Variants in RSF1 observed in about 807,000 individuals in gnomAD.
The protein encoded by RSF1 is HBV pX-associated protein 8.
A neutral mutation model predicts 145.2 loss-of-function variants in RSF1; 13 were observed. That is an observed-to-expected ratio of 0.09 (90% CI 0.06 to 0.14). RSF1 has a LOEUF of 0.14. Among genes scored for constraint, RSF1 ranks in the 10% least tolerant of loss-of-function variants. The pLI, the probability that RSF1 is intolerant of heterozygous loss-of-function variation, is 1.00. For synonymous variants in RSF1, 577 were observed against 592.6 expected, an observed-to-expected ratio of 0.97 and a Z score of 0.38; for missense variants, 1,517 against 1,718.2, an observed-to-expected ratio of 0.88 and a Z score of 2.07.
chr11:77,707,184 G>C (rs1353720423), intron 5 of RSF1, among the ~76,000 whole-genome samples: 2 of 152,074 alleles, frequency 1.3e-5, no homozygotes, highest in South Asian at 4.2e-4. Flanking sequence ...ACTACTCTGG[G>C]GCAGAAATCA....
chr11:77,799,337 A>C (rs1250484899), intron 1 of RSF1, among the ~76,000 whole-genome samples: 1 of 151,900 alleles, frequency 6.6e-6, no homozygotes, highest in African/African-American at 2.4e-5. Flanking sequence ...GCAAAACTCC[A>C]TCTCTATAAA....
intron 1 of RSF1, among the ~76,000 whole-genome samples, chr11:77,812,292 A>G (rs1396030864): frequency 6.6e-6 from 1 of 152,220 alleles, no homozygotes; most frequent in African/African-American, 2.4e-5. Flanking sequence ...TGCACAATTA[A>G]CATAGAAAAT....
intron 2 of RSF1, chr11:77,763,800 T>C (rs893503067): frequency 1.3e-5 from 2 of 152,014 alleles, no homozygotes; most frequent in African/African-American, 2.4e-5. Context: ...GAAGATACCA[T>C]ATATGCAAAA....
chr11:77,690,514 C>G (rs1424139184), intron 9 of RSF1, among the ~76,000 whole-genome samples: 2 of 152,122 alleles, frequency 1.3e-5, no homozygotes, highest in Non-Finnish European at 2.9e-5. Flanking sequence ...AGTGCAGTGG[C>G]GTGATCTTGG....
the RSF1 span, among the ~76,000 whole-genome samples, chr11:77,860,093 G>A: frequency 6.6e-6 from 1 of 152,194 alleles, no homozygotes; most frequent in Non-Finnish European, 1.5e-5. Flanking sequence ...TCGTCTCTCA[G>A]ACATGTGTAA....
At chr11:77,703,015 T>C (rs1960461951) in intron 5 of RSF1, 1 of 152,180 alleles carries the variant, frequency 6.6e-6, no homozygotes, top group Admixed American at 6.5e-5. Flanking sequence ...GTTACTTCCT[T>C]CTGGTCTTGT....
intron 1 of RSF1, among the ~76,000 whole-genome samples, chr11:77,794,459 G>A (rs1316273347): frequency 6.6e-6 from 1 of 151,990 alleles, no homozygotes. Context: ...AAGGTGGGAG[G>A]ATTACTTGAG....
Position 77,661,657 on chromosome 11 carries a change from T to C in RSF1, c.*5260A>G, listed in dbSNP as rs1167995961. 1.3e-5 allele frequency: 2 copies of C among 151,940 alleles called. No individual in the cohort carries two copies. Among genetic ancestry groups the C allele is most frequent in the Non-Finnish European group, 2.9e-5 (2 of 67,944 alleles). 9.4% of individuals were successfully genotyped at this position (151,940 alleles called of 1,614,324 possible). A position where few individuals can be genotyped will look rare whatever the true frequency, so the allele number is the denominator to read the frequency against. ...TGTAGATGATCTAGCATAAACACAA[T>C]TGTAAAAAATCTACATCCTATTTTA... On this transcript the variant is annotated 3_prime_UTR_variant, in exon 16 of 16. Transcript: ENST00000308488.
chr11:77,761,556 A>G (rs1020153683), intron 2 of RSF1, among the ~76,000 whole-genome samples: 10 of 152,182 alleles, frequency 6.6e-5, no homozygotes, highest in Non-Finnish European at 1.3e-4. Context: ...AGGTGCAGGT[A>G]CTAAATTTGT....
rs1250304051 is a variant in RSF1, at chr11:77,661,372, A to C, written c.*5545T>G. ...TCATGTGCTGTAAGAATATGCTGTT[A>C]ACAGCCAAATCTGGGCTACTGTAGC... On this transcript the variant is annotated 3_prime_UTR_variant, in exon 16 of 16. Transcript: ENST00000308488. 1 of 148,248 alleles carries C rather than the reference A, an allele frequency of 6.7e-6. No individual in the cohort carries two copies. The highest frequency in any genetic ancestry group is 7.0e-5 in the Admixed American group (1 of 14,384). The allele number at this position is 148,248 out of a possible 1,614,324, so 9.2% of individuals were successfully genotyped here. A position where few individuals can be genotyped will look rare whatever the true frequency, so the allele number is the denominator to read the frequency against.
At position 77,660,501 on chromosome 11, in the gene RSF1, A is replaced by G. The variant is rs1198635289; in HGVS notation, c.*6416T>C. On this transcript the variant is annotated 3_prime_UTR_variant, in exon 16 of 16. Coordinates refer to ENST00000308488, the MANE Select transcript of RSF1 (RefSeq NM_016578.4). ...ACAGCATGGTCCTGATTACCTCAAG[A>G]GTTAGTTTTATGCCAATCTTGGAGC... is the stretch of plus-strand genomic sequence containing the variant. The G allele has an allele frequency of 1.3e-5, 2 of 151,596 alleles. No individual in the cohort carries two copies. Among genetic ancestry groups the G allele is most frequent in the Non-Finnish European group, 2.9e-5 (2 of 67,920 alleles). The allele number at this position is 151,596 out of a possible 1,614,324, so 9.4% of individuals were successfully genotyped here.
upstream of RSF1, chr11:77,821,171 C>G (rs969800038): frequency 2.2e-5 from 8 of 370,656 alleles, no homozygotes; most frequent in Middle Eastern, 1.4e-3. Context: ...CCCGAAGCAG[C>G]GCTGGGAGCG....
In RSF1 at chr11:77,701,492, T is replaced by G. The variant is rs1347831355; in HGVS notation, c.1737A>C (p.Pro579=). ...KSPKTKKDKR[P]PILECLEKLE... is the part of the protein sequence containing the mutation. ...ACTTTTCAAGACATTCTAGGATTGGTGGGCGCTTATCCTTCTTAGTTTTGG... is the reference window on the plus strand; with the variant it reads ...ACTTTTCAAGACATTCTAGGATTGGGGGGCGCTTATCCTTCTTAGTTTTGG... The change falls in exon 6 of 16, where the codon CCA becomes CCC. Residue 579 remains proline (P), a synonymous_variant. Coordinates refer to ENST00000308488, the MANE Select transcript of RSF1 (RefSeq NM_016578.4). The G allele has an allele frequency of 6.2e-7, 1 of 1,614,148 alleles. No individual in the cohort carries two copies.
chr11:77,691,286 T>A (rs759974347), intron 8 of RSF1, 48 bp from the exon 9 acceptor site: 65 of 1,532,938 alleles, frequency 4.2e-5, no homozygotes, highest in Non-Finnish European at 5.6e-5. Context: ...CTTTTAGCAA[T>A]CATTTATTAC....
At chr11:77,750,096 T>C (rs939902646) in intron 2 of RSF1, among the ~76,000 whole-genome samples, 1 of 150,844 alleles carries the variant, frequency 6.6e-6, no homozygotes, top group African/African-American at 2.4e-5. Context: ...TGCCATTTGA[T>C]GTTAAAAAAA....
intron 1 of RSF1, among the ~76,000 whole-genome samples, chr11:77,795,624 C>A (rs1948564616): frequency 6.6e-6 from 1 of 152,306 alleles, no homozygotes; most frequent in Non-Finnish European, 1.5e-5. Context: ...GGAAAGGACA[C>A]CCTCTCAAAT....
At chr11:77,700,573 T>A (rs1960394027) in intron 6 of RSF1, 148 bp downstream of exon 6, 2 of 575,726 alleles carry the variant, frequency 3.5e-6, no homozygotes, top group Non-Finnish European at 2.9e-6. Context: ...AGAGTATAAG[T>A]AAGAGTATAA....
At chr11:77,688,993 C>T (rs1960081252) in intron 9 of RSF1, among the ~76,000 whole-genome samples, 1 of 152,166 alleles carries the variant, frequency 6.6e-6, no homozygotes. Flanking sequence ...AGCTGATTGC[C>T]TTAAGGCAAG....
chr11:77,833,351 G>A, the RSF1 span, among the ~76,000 whole-genome samples: 1 of 152,038 alleles, frequency 6.6e-6, no homozygotes, highest in Non-Finnish European at 1.5e-5. Context: ...GGGAGTGATG[G>A]GAGACAGTGA....
Sources: allele counts gnomAD v4.1 joint callset (sites outside exome capture counted in the v4.1 genomes callset), GRCh38; gene constraint gnomAD v4.1.1; transcripts MANE v1.5; gene names NCBI Gene and HGNC (gene_info 2026-07-23, HGNC 2026-07-21).